Variants in USP12 observed in about 807,000 individuals in gnomAD.
USP12 encodes the protein ubiquitin specific peptidase 12, also known as ubiquitin carboxyl-terminal hydrolase 12.
In USP12, 19 loss-of-function variants were observed where a neutral mutation model predicts 45.5. The observed-to-expected ratio is 0.42, with a 90% CI of 0.29 to 0.61. USP12 has a LOEUF of 0.61. USP12 is among the 20% of genes least tolerant of loss of function. The pLI, the probability that USP12 is intolerant of heterozygous loss-of-function variation, is 0.22. For missense variants in USP12, 242 were observed against 447.7 expected, an observed-to-expected ratio of 0.54 and a Z score of 4.15; for synonymous variants, 149 against 148.8, an observed-to-expected ratio of 1.00 and a Z score of -0.01.
At position 27,155,066 on chromosome 13, in the gene USP12, C is replaced by CT. The variant is rs71083634; in HGVS notation, c.48+16525dup. Among the ~76,000 whole-genome samples the CT allele has an allele frequency of 6.5e-3, 373 of 57,650 alleles. 29 individuals are homozygous for CT. The highest frequency in any genetic ancestry group is 9.7e-3 in the African/African-American group (118 of 12,146). 37.8% of individuals were successfully genotyped at this position (57,650 alleles called of 152,430 possible). On this transcript the variant is annotated intron_variant, in intron 1 of 8. Transcript: ENST00000282344. ...TTTTTTTTTTTTCTGATGTCCACAA[C>CT]TTTTTTTTTTTTTTTTTTTTTTTTT...
rs188856517 is a variant in USP12 at position 27,092,029 on chromosome 13, C to G, written c.574-1871G>C. Among the ~76,000 whole-genome samples, 11 of 152,316 alleles carry G rather than the reference C, an allele frequency of 7.2e-5. 1 individual carries two copies. In the East Asian group the frequency reaches 2.1e-3, roughly 29 times the overall value. ...CTGGAACTGCCTGAACACTGCTTTGCCAGTCTTCATTACCATAGGAGTATC... is the reference window on the plus strand; with the variant it reads ...CTGGAACTGCCTGAACACTGCTTTGGCAGTCTTCATTACCATAGGAGTATC... On this transcript the variant is annotated intron_variant, in intron 4 of 8. Coordinates refer to ENST00000282344, the MANE Select transcript of USP12 (RefSeq NM_182488.4).
At chr13:27,131,376 C>G (rs1468372677) in intron 1 of USP12, among the ~76,000 whole-genome samples, 1 of 152,184 alleles carries the variant, frequency 6.6e-6, no homozygotes, top group Non-Finnish European at 1.5e-5. Context: ...AATACCTACT[C>G]TGCCTACCTC....
rs201501770 is a variant in USP12, at chr13:27,093,172, C to T, written c.573+2429G>A. On this transcript the variant is annotated intron_variant, in intron 4 of 8. Coordinates refer to ENST00000282344, the MANE Select transcript of USP12 (RefSeq NM_182488.4). ...TGCGCTCCAGCCTGGGCAACGAGAG[C>T]GAAACTCCATCTCAAAAAAAAAAAA... 6.0e-5 allele frequency among the ~76,000 whole-genome samples: 9 copies of T among 150,488 alleles called. No homozygotes were observed. In the East Asian group the frequency reaches 7.8e-4, roughly 13 times the overall value.
chr13:27,112,081 A>G (rs1203605856), intron 2 of USP12, among the ~76,000 whole-genome samples: 1 of 152,186 alleles, frequency 6.6e-6, no homozygotes, highest in East Asian at 1.9e-4. Context: ...GTAATGAAGC[A>G]CATAAGATCT....
At chr13:27,075,026 G>C (rs1227949723) in intron 7 of USP12, among the ~76,000 whole-genome samples, 165 bp downstream of exon 7, 18 of 151,992 alleles carry the variant, frequency 1.2e-4, no homozygotes, top group Admixed American at 1.1e-3. Context: ...AAATTTTTAA[G>C]AAATGATAAA....
intron 7 of USP12, 76 bp downstream of exon 7, chr13:27,075,115 A>G: frequency 7.1e-7 from 1 of 1,415,736 alleles, no homozygotes; most frequent in East Asian, 2.3e-5. Flanking sequence ...TATATGAATA[A>G]TTCATGAACA....
At chr13:27,084,636 C>T (rs1873928300) in intron 6 of USP12, among the ~76,000 whole-genome samples, 1 of 151,958 alleles carries the variant, frequency 6.6e-6, no homozygotes, top group African/African-American at 2.4e-5. Flanking sequence ...AAACCATTTG[C>T]TAAAGACATT....
intron 1 of USP12, among the ~76,000 whole-genome samples, chr13:27,131,918 G>A (rs1876520603): frequency 1.3e-5 from 2 of 152,114 alleles, no homozygotes; most frequent in South Asian, 4.1e-4. Context: ...TGCAAGAAGA[G>A]AAATTGACAC....
chr13:27,069,618 T>C lies in USP12; in HGVS notation c.1012-234A>G, dbSNP rs534615654. 2.0e-5 allele frequency among the ~76,000 whole-genome samples: 3 copies of C among 152,348 alleles called. No homozygotes were observed. The South Asian group carries it at 6.2e-4, about 32-fold the overall frequency. The stretch of plus-strand genomic sequence containing the variant: ...CTACTTCTAGGTACAGGATGAATTA[T>C]ATGAAACCACTAATAACTATTTTGG... On this transcript the variant is annotated intron_variant, in intron 8 of 8. Transcript: ENST00000282344.
chr13:27,085,942 G>A (rs1265791081), intron 6 of USP12, among the ~76,000 whole-genome samples: 1 of 151,784 alleles, frequency 6.6e-6, no homozygotes, highest in East Asian at 1.9e-4. Context: ...GAGGCAGGAG[G>A]ACTGCTTGAG....
rs756936444 is a variant in USP12, at chr13:27,105,948, C to T, written c.130-4G>A. ...TGCAGTAGCAGGTATTCCCAAACTG[C>T]AACAGAAAAAAAAAAGTTTTGTTAA... On this transcript the variant is annotated splice_polypyrimidine_tract_variant and splice_region_variant and intron_variant, in intron 2 of 8. Coordinates refer to ENST00000282344, the MANE Select transcript of USP12 (RefSeq NM_182488.4). 16 of 1,584,302 alleles carry T rather than the reference C, an allele frequency of 1.0e-5. No homozygotes were observed. The Admixed American group carries it at 2.5e-4, about 25-fold the overall frequency.
chr13:27,161,707 C>T (rs982458646), intron 1 of USP12, among the ~76,000 whole-genome samples: 2 of 151,154 alleles, frequency 1.3e-5, no homozygotes, highest in Admixed American at 6.6e-5. Flanking sequence ...CCTGTCTCTA[C>T]AAAAAAAATT....
intron 1 of USP12, among the ~76,000 whole-genome samples, chr13:27,162,050 C>T (rs1050231073): frequency 4.6e-5 from 7 of 152,150 alleles, no homozygotes; most frequent in Admixed American, 2.0e-4. Context: ...TTGTGAGCTC[C>T]GTTACAACTC....
In USP12 at chr13:27,163,786, G is replaced by GA. The variant is rs879415456; in HGVS notation, c.48+7805dup. On this transcript the variant is annotated intron_variant, in intron 1 of 8. Coordinates refer to ENST00000282344, the MANE Select transcript of USP12 (RefSeq NM_182488.4). ...CCTGTCTTAAAAAAAAAAAAAAAAAGAAAAAAAAAAAAGAAAAGAAGCTAC... is the reference window on the plus strand; with the variant it reads ...CCTGTCTTAAAAAAAAAAAAAAAAAGAAAAAAAAAAAAAGAAAAGAAGCTAC... Among the ~76,000 whole-genome samples the GA allele has an allele frequency of 4.1e-3, 392 of 96,404 alleles. 1 individual carries two copies. The highest frequency in any genetic ancestry group is 0.015 in the Middle Eastern group (3 of 198). 63.2% of individuals were successfully genotyped at this position (96,404 alleles called of 152,430 possible).
chr13:27,077,179 T>A (rs1873528450), intron 6 of USP12: 1 of 152,178 alleles, frequency 6.6e-6, no homozygotes, highest in Non-Finnish European at 1.5e-5. Context: ...GAAGTCAGGA[T>A]ATAAAATTAT....
intron 3 of USP12, among the ~76,000 whole-genome samples, chr13:27,097,830 T>C (rs1874663372): frequency 1.3e-5 from 2 of 152,202 alleles, no homozygotes; most frequent in Non-Finnish European, 2.9e-5. Flanking sequence ...TCTAAAATGC[T>C]TGGGACCAGC....
At chr13:27,151,879 C>A (rs141053458) in intron 1 of USP12, among the ~76,000 whole-genome samples, 98 of 152,192 alleles carry the variant, frequency 6.4e-4, no homozygotes, top group African/African-American at 2.1e-3. Context: ...ACACAAATGG[C>A]CAATAAGTAC....
intron 6 of USP12, among the ~76,000 whole-genome samples, chr13:27,080,448 A>G (rs558879922): frequency 1.3e-5 from 2 of 152,314 alleles, no homozygotes; most frequent in South Asian, 4.1e-4. Context: ...AGATACTCAG[A>G]GATGGACTGT....
In USP12 at chr13:27,089,938, T is replaced by C; in HGVS notation, c.679A>G (p.Ser227Gly). 2 of 1,611,154 alleles carry C rather than the reference T, an allele frequency of 1.2e-6. No homozygotes were observed. The highest frequency in any genetic ancestry group is 8.5e-7 in the Non-Finnish European group (1 of 1,178,620). Residue 227 changes from serine to glycine, a missense_variant, in exon 6 of 9, where the codon AGT becomes GGT. Coordinates refer to ENST00000282344, the MANE Select transcript of USP12 (RefSeq NM_182488.4). ...RGFSNTETLC[S>G]EYKYYCEECR... ...TCTTCACAGTAATACTTGTATTCAC[T>C]GCACAGAGTTTCTGTGTTGCTGAAA...
Sources: gnomAD v4.1 joint callset for allele counts (sites outside exome capture counted in the v4.1 genomes callset) on GRCh38, gnomAD v4.1.1 for gene constraint, MANE v1.5 for transcripts, NCBI Gene and HGNC (gene_info 2026-07-23, HGNC 2026-07-21) for gene names.